Variants in CAMK1D observed in about 807,000 individuals in gnomAD.
CAMK1D encodes the protein calcium/calmodulin dependent protein kinase ID.
A neutral mutation model predicts 47.7 loss-of-function variants in CAMK1D; 9 were observed. The ratio of observed to expected loss-of-function variants is 0.19; its 90% CI spans 0.11 to 0.33. The LOEUF (loss-of-function observed/expected upper bound fraction) is 0.33. Ranked by LOEUF, CAMK1D falls within the 10% of genes least tolerant of loss-of-function variation. The pLI is 1.00. For synonymous variants in CAMK1D, 184 were observed against 184.9 expected (o/e 0.99, Z 0.04); for missense variants, 291 against 488.7 (o/e 0.60, Z 3.81).
intron 1 of CAMK1D, among the ~76,000 whole-genome samples, chr10:12,492,180 T>TG (rs1190277104): frequency 6.6e-6 from 1 of 152,088 alleles, no homozygotes; most frequent in Non-Finnish European, 1.5e-5. Flanking sequence ...CTGTGGCTGT[T>TG]GCGGCTGCAG....
chr10:12,462,386 C>T (rs1263247766), intron 1 of CAMK1D, among the ~76,000 whole-genome samples: 1 of 151,764 alleles, frequency 6.6e-6, no homozygotes, highest in African/African-American at 2.4e-5. Context: ...GGATGGTCTC[C>T]ATCTCTTGAC....
At chr10:12,523,108 C>T (rs189000760) in intron 1 of CAMK1D, among the ~76,000 whole-genome samples, 33,244 of 148,864 alleles carry the variant, frequency 0.22, 3,916 homozygotes, top group South Asian at 0.27. Context: ...ACTTCTCAGA[C>T]GGGGCGGCTG....
intron 4 of CAMK1D, 109 bp from the exon 5 acceptor site, chr10:12,769,564 G>A (rs1836939479): frequency 1.6e-6 from 2 of 1,272,570 alleles, no homozygotes; most frequent in Non-Finnish European, 2.2e-6. Context: ...GTGTCCAAAG[G>A]TCAAGGACGT....
Position 12,510,042 on chromosome 10 carries a change from C to G in CAMK1D, c.93-43183C>G, listed in dbSNP as rs559858090. On this transcript the variant is annotated intron_variant, in intron 1 of 10. Transcript: ENST00000619168. ...GAAAGTCAGGCTTTCAGACAGAAATCATGTAGGCAGATAAGAACCAAACTG... is the reference window on the plus strand; with the variant it reads ...GAAAGTCAGGCTTTCAGACAGAAATGATGTAGGCAGATAAGAACCAAACTG... Among the ~76,000 whole-genome samples the G allele has an allele frequency of 2.0e-5, 3 of 152,324 alleles. No individual in the cohort carries two copies. In the East Asian group the frequency reaches 5.8e-4, roughly 29 times the overall value.
At chr10:12,439,257 A>G (rs565829313) in intron 1 of CAMK1D, among the ~76,000 whole-genome samples, 2 of 152,356 alleles carry the variant, frequency 1.3e-5, no homozygotes, top group Admixed American at 6.5e-5. Context: ...AAAAGGCTGC[A>G]TACGTCTCAG....
At chr10:12,619,894 C>T (rs1015177070) in intron 2 of CAMK1D, among the ~76,000 whole-genome samples, 2 of 152,136 alleles carry the variant, frequency 1.3e-5, no homozygotes, top group African/African-American at 4.8e-5. Flanking sequence ...GTCTCTTCCC[C>T]ATTTCTATGG....
At chr10:12,731,534 C>T (rs1834882094) in intron 3 of CAMK1D, among the ~76,000 whole-genome samples, 1 of 152,218 alleles carries the variant, frequency 6.6e-6, no homozygotes, top group Non-Finnish European at 1.5e-5. Context: ...TCATGTTCAG[C>T]TGCACTGGTG....
intron 3 of CAMK1D, among the ~76,000 whole-genome samples, chr10:12,750,968 C>T (rs1006318420): frequency 5.3e-5 from 8 of 152,172 alleles, no homozygotes; most frequent in Non-Finnish European, 8.8e-5. Flanking sequence ...GGAGAATTGC[C>T]GGAGCCCAGG....
intron 1 of CAMK1D, among the ~76,000 whole-genome samples, chr10:12,394,118 C>T (rs112440623): frequency 0.036 from 5,540 of 152,228 alleles, 122 homozygotes; most frequent in Non-Finnish European, 0.055. Flanking sequence ...TGATCGTTTG[C>T]GATAATGGCT....
intron 3 of CAMK1D, among the ~76,000 whole-genome samples, chr10:12,701,005 A>G (rs972735772): frequency 7.2e-5 from 11 of 152,304 alleles, no homozygotes; most frequent in Admixed American, 3.3e-4. Flanking sequence ...AAGGAGTGAA[A>G]TGGTGAGAAG....
rs369389320 is a variant in CAMK1D at position 12,735,341 on chromosome 10, G to A, written c.300-25607G>A. On this transcript the variant is annotated intron_variant, in intron 3 of 10. Coordinates refer to ENST00000619168, the MANE Select transcript of CAMK1D (RefSeq NM_153498.4). ...AAATATTAAAAAATTAGCCGGGCGTGGTGGCGGGCGCCTGTAGTCCCAGCT... is the reference window on the plus strand; with the variant it reads ...AAATATTAAAAAATTAGCCGGGCGTAGTGGCGGGCGCCTGTAGTCCCAGCT... Among the ~76,000 whole-genome samples the A allele has an allele frequency of 5.8e-3, 881 of 152,272 alleles. 10 individuals are homozygous for A. Among genetic ancestry groups the A allele is most frequent in the African/African-American group, 0.019 (798 of 41,570 alleles).
At chr10:12,676,111 C>A (rs1042605309) in intron 3 of CAMK1D, among the ~76,000 whole-genome samples, 5 of 152,110 alleles carry the variant, frequency 3.3e-5, no homozygotes, top group African/African-American at 1.2e-4. Flanking sequence ...TGCCACTACG[C>A]CTGGCTAATT....
intron 3 of CAMK1D, among the ~76,000 whole-genome samples, chr10:12,708,704 G>A (rs1833821405): frequency 6.6e-6 from 1 of 152,188 alleles, no homozygotes; most frequent in East Asian, 1.9e-4. Flanking sequence ...TGGCCTTTTG[G>A]ACAGGTGGGC....
chr10:12,825,550 T>G, intron 9 of CAMK1D, 23 bp from the exon 10 acceptor site: 1 of 1,603,472 alleles, frequency 6.2e-7, no homozygotes, highest in Non-Finnish European at 8.5e-7. Flanking sequence ...ATTTGTCTGC[T>G]TTTTTCCTTT....
At chr10:12,828,548 C>G (rs533610818) in intron 10 of CAMK1D, among the ~76,000 whole-genome samples, 38 of 151,842 alleles carry the variant, frequency 2.5e-4, no homozygotes, top group Admixed American at 5.9e-4. Flanking sequence ...GGCTGAAGCA[C>G]GAGAATCGCT....
intron 1 of CAMK1D, among the ~76,000 whole-genome samples, chr10:12,462,032 C>T (rs1029623483): frequency 4.6e-5 from 7 of 151,982 alleles, no homozygotes; most frequent in African/African-American, 1.4e-4. Flanking sequence ...TGCGACTCAG[C>T]GAAAGAATGA....
chr10:12,819,547 C>G (rs1832941781), intron 8 of CAMK1D, among the ~76,000 whole-genome samples: 1 of 152,206 alleles, frequency 6.6e-6, no homozygotes, highest in African/African-American at 2.4e-5. Context: ...AACAATAATA[C>G]GGACCCCGCA....
chr10:12,422,180 C>G (rs1840076114), intron 1 of CAMK1D, among the ~76,000 whole-genome samples: 1 of 152,160 alleles, frequency 6.6e-6, no homozygotes, highest in Non-Finnish European at 1.5e-5. Flanking sequence ...GGCAGGTATT[C>G]AGGAGTGATT....
At chr10:12,576,769 G>A (rs892022874) in intron 2 of CAMK1D, among the ~76,000 whole-genome samples, 3 of 152,188 alleles carry the variant, frequency 2.0e-5, no homozygotes, top group Admixed American at 6.5e-5. Context: ...TGTGCGGCCC[G>A]GTTCCACGGC....
Sources: allele counts gnomAD v4.1 joint callset (sites outside exome capture counted in the v4.1 genomes callset), GRCh38; gene constraint gnomAD v4.1.1; transcripts MANE v1.5; gene names NCBI Gene and HGNC (gene_info 2026-07-23, HGNC 2026-07-21).